The following CHD1 variants were observed in gnomAD, a reference collection of about 807,000 sequenced individuals.
CHD1 encodes chromodomain helicase DNA binding protein 1.
In CHD1, 36 loss-of-function variants were observed where a neutral mutation model predicts 224.2. That is an observed-to-expected ratio of 0.16 (90% CI 0.12 to 0.21). The LOEUF (loss-of-function observed/expected upper bound fraction) is 0.21, where lower values mean the gene tolerates loss of function less well. CHD1 is among the 10% of genes least tolerant of loss of function. CHD1 has a pLI of 1.00. For missense variants in CHD1, 1,378 were observed against 1,994.8 expected (o/e 0.69, Z 5.89); for synonymous variants, 668 against 658.3 (o/e 1.01, Z -0.23).
Position 98,872,183 on chromosome 5 carries a change from G to A in CHD1, c.3729C>T (p.His1243=), listed in dbSNP as rs1295057848. 3 of 1,613,444 alleles carry A rather than the reference G, an allele frequency of 1.9e-6. No individual in the cohort carries two copies. The highest frequency in any genetic ancestry group is 2.5e-6 in the Non-Finnish European group (3 of 1,179,672). ...EERKQYTIPC[H]TKAAHFDIDW... is the part of the protein sequence containing the mutation. The stretch of plus-strand genomic sequence containing the variant: ...CTATATCAAAATGAGCTGCCTTTGT[G>A]TGGCATGGGATAGTATACCTGGCAT... The change falls in exon 28 of 36, where the codon CAC becomes CAT. Residue 1243 remains histidine (H), a synonymous_variant. Coordinates refer to ENST00000614616, the MANE Select transcript of CHD1 (RefSeq NM_001270.4).
Position 98,892,699 on chromosome 5 carries a change from T to A in CHD1, c.2006A>T (p.Glu669Val), listed in dbSNP as rs61759467. The A allele has an allele frequency of 0.011, 18,181 of 1,591,008 alleles. 114 individuals carry two copies. Among genetic ancestry groups the A allele is most frequent in the Non-Finnish European group, 0.014 (15,916 of 1,166,722 alleles). ...TTTGCCATGTTCTTCTTCAAAATCT[T>A]CCCAGGAAGAAAACCTTTAAAATTT... is the stretch of plus-strand genomic sequence containing the variant. Reference protein sequence around the residue: ...FIMPEKFSSWEDFEEEHGKGR... With the variant: ...FIMPEKFSSWVDFEEEHGKGR... Residue 669 changes from glutamate to valine, a missense_variant, in exon 15 of 36, where the codon GAA becomes GTA. Around this residue, in one of 16 missense-constraint regions of CHD1, gnomAD observed 37 missense variants for 118.9 expected, o/e 0.31. Transcript: ENST00000614616.
At chr5:98,908,819 C>A (rs1208261496) in intron 2 of CHD1, among the ~76,000 whole-genome samples, 1 of 118,780 alleles carries the variant, frequency 8.4e-6, no homozygotes, top group African/African-American at 3.7e-5. Context: ...AATAAATAAA[C>A]CCATTGAATT....
intron 25 of CHD1, among the ~76,000 whole-genome samples, chr5:98,874,207 A>AT (rs1370178203): frequency 2.0e-5 from 3 of 152,098 alleles, no homozygotes; most frequent in Non-Finnish European, 4.4e-5. Flanking sequence ...TTTTGAAGGG[A>AT]TTTTTTAAGA....
At chr5:98,895,454 A>G (rs951509088) in intron 12 of CHD1, among the ~76,000 whole-genome samples, 1 of 152,184 alleles carries the variant, frequency 6.6e-6, no homozygotes, top group African/African-American at 2.4e-5. Context: ...GAAATTTTCC[A>G]TTAAAAATGT....
intron 10 of CHD1, among the ~76,000 whole-genome samples, chr5:98,897,660 G>A (rs372047318): frequency 6.6e-6 from 1 of 152,046 alleles, no homozygotes; most frequent in Non-Finnish European, 1.5e-5. Context: ...CATAAAACTG[G>A]CTTAGCTTAC....
At chr5:98,876,333 T>G (rs1156768544) in intron 24 of CHD1, 65 bp downstream of exon 24, 10 of 1,498,064 alleles carry the variant, frequency 6.7e-6, no homozygotes, top group Non-Finnish European at 9.1e-6. Flanking sequence ...AATTACGGCG[T>G]TTTTACATTT....
At chr5:98,915,258 C>G (rs983288445) in intron 2 of CHD1, among the ~76,000 whole-genome samples, 1 of 152,184 alleles carries the variant, frequency 6.6e-6, no homozygotes, top group African/African-American at 2.4e-5. Flanking sequence ...TAAGCACTGA[C>G]CAGCAAAACA....
intron 31 of CHD1, among the ~76,000 whole-genome samples, chr5:98,865,399 T>C: frequency 6.6e-6 from 1 of 152,226 alleles, no homozygotes; most frequent in East Asian, 1.9e-4. Context: ...TGTGACTTTA[T>C]TCTCCCTCTA....
intron 20 of CHD1, 79 bp downstream of exon 20, chr5:98,881,896 G>T (rs1750217840): frequency 1.6e-6 from 2 of 1,222,934 alleles, no homozygotes; most frequent in South Asian, 1.4e-5. Flanking sequence ...TTTCCTCAAT[G>T]ATCTACAGTG....
At chr5:98,867,167 G>A (rs1205535964) in intron 31 of CHD1, among the ~76,000 whole-genome samples, 3 of 151,926 alleles carry the variant, frequency 2.0e-5, no homozygotes, top group Non-Finnish European at 4.4e-5. Context: ...TACATACATT[G>A]AGTAAATTAT....
At position 98,911,145 on chromosome 5, in the gene CHD1, AAATATAT is replaced by A. The variant is rs1372346351; in HGVS notation, c.54-6054_54-6048del. ...GTGCTAAAATGAAAAAAAAAAAAAA[AAATATAT>A]ATATATATATATATATATATATATA... On this transcript the variant is annotated intron_variant, in intron 2 of 35. Coordinates refer to ENST00000614616, the MANE Select transcript of CHD1 (RefSeq NM_001270.4). 3.1e-3 allele frequency among the ~76,000 whole-genome samples: 300 copies of A among 95,410 alleles called. 1 individual carries two copies. Among genetic ancestry groups the A allele is most frequent in the Middle Eastern group, 0.012 (2 of 172 alleles). 62.6% of individuals were successfully genotyped at this position (95,410 alleles called of 152,430 possible). A position where few individuals can be genotyped will look rare whatever the true frequency, so the allele number is the denominator to read the frequency against.
Position 98,872,527 on chromosome 5 carries a change from T to G in CHD1, c.3600A>C (p.Pro1200=), listed in dbSNP as rs780918510. The G allele has an allele frequency of 1.6e-4, 266 of 1,613,538 alleles. No homozygotes were observed. Among genetic ancestry groups the G allele is most frequent in the Non-Finnish European group, 2.2e-4 (261 of 1,179,878 alleles). ...CCTGTACTCCTGATATTCGGAATGT[T>G]GGACCCTTCACTTTTCCGAGTCTAC... ...TGGRLGKVKG[P]TFRISGVQVN... The change falls in exon 27 of 36, where the codon CCA becomes CCC. Residue 1200 remains proline (P), a synonymous_variant. Transcript: ENST00000614616.
At chr5:98,900,744 G>A in intron 7 of CHD1, 67 bp downstream of exon 7, 1 of 1,405,022 alleles carries the variant, frequency 7.1e-7, no homozygotes. Context: ...GACCCACTGT[G>A]CCCAGCCCTC....
rs184142837 is a variant in CHD1 at position 98,921,492 on chromosome 5, T to A, written c.53+4842A>T. Among the ~76,000 whole-genome samples the A allele has an allele frequency of 1.8e-3, 278 of 152,324 alleles. 1 individual carries two copies. Among genetic ancestry groups the A allele is most frequent in the African/African-American group, 6.2e-3 (256 of 41,566 alleles). On this transcript the variant is annotated intron_variant, in intron 2 of 35. Transcript: ENST00000614616. ...GGGGCGAGGCACAAGGTTCTACAGT[T>A]ATAATAAGCTCCCAAATGATGCCAA...
intron 2 of CHD1, among the ~76,000 whole-genome samples, chr5:98,912,708 C>T (rs1369577380): frequency 2.6e-5 from 4 of 152,016 alleles, no homozygotes; most frequent in African/African-American, 9.7e-5. Flanking sequence ...AAAGCAAAGT[C>T]AAATGTATAC....
At chr5:98,872,856 CTG>C (rs1348114348) in intron 26 of CHD1, among the ~76,000 whole-genome samples, 1 of 152,210 alleles carries the variant, frequency 6.6e-6, no homozygotes, top group Non-Finnish European at 1.5e-5. Flanking sequence ...AGGGTTCACT[CTG>C]TCGCCCAGGC....
At chr5:98,922,865 T>C (rs1226628821) in intron 2 of CHD1, among the ~76,000 whole-genome samples, 2 of 152,160 alleles carry the variant, frequency 1.3e-5, no homozygotes, top group Non-Finnish European at 2.9e-5. Context: ...GGTGCATGCC[T>C]GTAGTCCCAG....
Position 98,869,839 on chromosome 5 carries a change from G to T in CHD1, c.4022C>A (p.Ala1341Glu). Residue 1341 changes from alanine to glutamate, a missense_variant, in exon 30 of 36, where the codon GCA (alanine) becomes GAA (glutamate). Physicochemically the swap from Ala to Glu is moderately radical, Grantham distance 107. Transcript: ENST00000614616. ...RRKARAKKNKAMKSIKVKEEI... is the reference protein window; with the variant it reads ...RRKARAKKNKEMKSIKVKEEI... Reference sequence around the variant, plus strand: ...CTCTTTCACTTTTATAGACTTCATTGCTTTATTCTTCTTAGCTCTTGCTTT... The same window carrying T: ...CTCTTTCACTTTTATAGACTTCATTTCTTTATTCTTCTTAGCTCTTGCTTT... The T allele has an allele frequency of 6.2e-7, 1 of 1,608,372 alleles. No individual in the cohort carries two copies. Among genetic ancestry groups the T allele is most frequent in the Non-Finnish European group, 8.5e-7 (1 of 1,175,182 alleles).
At chr5:98,918,183 G>A (rs756313311) in intron 2 of CHD1, among the ~76,000 whole-genome samples, 7 of 151,304 alleles carry the variant, frequency 4.6e-5, no homozygotes, top group East Asian at 2.0e-4. Context: ...TCAGCCTCCC[G>A]AGTAGCTGGG....
Sources: gnomAD v4.1 joint callset for allele counts (sites outside exome capture counted in the v4.1 genomes callset) on GRCh38, gnomAD v4.1.1 for gene constraint, gnomAD v4.1.1 regional missense constraint, MANE v1.5 for transcripts, NCBI Gene and HGNC (gene_info 2026-07-23, HGNC 2026-07-21) for gene names.